Variants in C8orf34 observed in about 807,000 individuals in gnomAD.
C8orf34 encodes chromosome 8 open reading frame 34.
Under a neutral mutation model 68.3 loss-of-function variants are expected in C8orf34, and 65 were observed. The observed-to-expected ratio is 0.95, with a 90% confidence interval of 0.78 to 1.17. C8orf34 has a LOEUF of 1.17. Among genes scored for constraint, C8orf34 ranks in the 50% most tolerant of loss-of-function variants. C8orf34 has a pLI of 0.00. For missense variants in C8orf34, 664 were observed against 655.4 expected, an observed-to-expected ratio of 1.01 and a Z score of -0.14; for synonymous variants, 244 against 241.2, an observed-to-expected ratio of 1.01 and a Z score of -0.11.
intron 5 of C8orf34, among the ~76,000 whole-genome samples, chr8:68,506,139 C>A (rs1814012628): frequency 6.6e-6 from 1 of 151,626 alleles, no homozygotes; most frequent in South Asian, 2.1e-4. Context: ...CATGCACATG[C>A]ACACACACAC....
intron 7 of C8orf34, among the ~76,000 whole-genome samples, chr8:68,610,001 A>C (rs1817969422): frequency 6.6e-6 from 1 of 152,194 alleles, no homozygotes; most frequent in Non-Finnish European, 1.5e-5. Context: ...GCTGAGGCTG[A>C]GCATGGATCA....
chr8:68,425,489 A>G (rs1810169647), intron 1 of C8orf34, among the ~76,000 whole-genome samples: 2 of 151,944 alleles, frequency 1.3e-5, no homozygotes, highest in Admixed American at 6.6e-5. Flanking sequence ...GACTAGAAAT[A>G]TAATATAACT....
At chr8:68,420,651 A>G (rs1373563044) in intron 1 of C8orf34, among the ~76,000 whole-genome samples, 1 of 152,198 alleles carries the variant, frequency 6.6e-6, no homozygotes, top group Non-Finnish European at 1.5e-5. Flanking sequence ...AGACACAGAC[A>G]TTAAAATAAG....
intron 7 of C8orf34, among the ~76,000 whole-genome samples, chr8:68,633,673 G>T (rs1372556246): frequency 2.0e-5 from 3 of 152,010 alleles, no homozygotes; most frequent in African/African-American, 7.2e-5. Context: ...ACCAAAGATG[G>T]TATATCTCCC....
chr8:68,799,591 C>T (rs1824271908), intron 12 of C8orf34, among the ~76,000 whole-genome samples: 1 of 152,080 alleles, frequency 6.6e-6, no homozygotes, highest in African/African-American at 2.4e-5. Context: ...TCCAATGAGT[C>T]TCATAAACCC....
At chr8:68,500,503 A>G (rs1041414695) in intron 5 of C8orf34, among the ~76,000 whole-genome samples, 6 of 152,212 alleles carry the variant, frequency 3.9e-5, no homozygotes, top group Non-Finnish European at 5.9e-5. Context: ...GTATTATTAT[A>G]CTTTGACCAT....
intron 1 of C8orf34, among the ~76,000 whole-genome samples, chr8:68,405,635 T>G (rs970546072): frequency 3.9e-5 from 6 of 152,178 alleles, no homozygotes; most frequent in Non-Finnish European, 5.9e-5. Flanking sequence ...GTGAATTATT[T>G]TCCTCTTCCT....
At chr8:68,591,947 A>G (rs747871488) in intron 7 of C8orf34, among the ~76,000 whole-genome samples, 1 of 152,200 alleles carries the variant, frequency 6.6e-6, no homozygotes, top group Non-Finnish European at 1.5e-5. Context: ...AATTGAAATT[A>G]TATATATGCA....
At chr8:68,446,498 G>A in intron 3 of C8orf34, 38 bp downstream of exon 3, 1 of 1,573,984 alleles carries the variant, frequency 6.4e-7, no homozygotes, top group African/African-American at 1.4e-5. Context: ...TTCAAAGCAT[G>A]TAAGTTTATG....
chr8:68,796,742 C>T (rs1824187364), intron 12 of C8orf34, among the ~76,000 whole-genome samples: 2 of 151,876 alleles, frequency 1.3e-5, no homozygotes, highest in Non-Finnish European at 2.9e-5. Context: ...TTACATAATC[C>T]AATCACTGGG....
At chr8:68,665,480 C>T (rs1368175749) in intron 8 of C8orf34, among the ~76,000 whole-genome samples, 6 of 152,140 alleles carry the variant, frequency 3.9e-5, no homozygotes. Context: ...AGCCAAGATC[C>T]CATCCCACAT....
chr8:68,776,245 A>G (rs1366702217), intron 10 of C8orf34, among the ~76,000 whole-genome samples, 154 bp from the exon 11 acceptor site: 1 of 152,192 alleles, frequency 6.6e-6, no homozygotes, highest in Non-Finnish European at 1.5e-5. Flanking sequence ...AAGAGTAAGA[A>G]GTTGGCAAAC....
rs116217181 is a variant in C8orf34, at chr8:68,568,892, G to A, written c.1105+35743G>A. ...TGGGCCATACCGTCTCTCTTGCGCT[G>A]CACAACTCTGCCATCGTAAACTTGA... On this transcript the variant is annotated intron_variant, in intron 7 of 13. Transcript: ENST00000518698. Among the ~76,000 whole-genome samples, 1,253 of 145,324 alleles carry A rather than the reference G, an allele frequency of 8.6e-3. 21 individuals are homozygous for A. Among genetic ancestry groups the A allele is most frequent in the African/African-American group, 0.033 (1,170 of 35,766 alleles).
At chr8:68,727,326 C>T (rs958479536) in intron 10 of C8orf34, among the ~76,000 whole-genome samples, 4 of 152,338 alleles carry the variant, frequency 2.6e-5, no homozygotes, top group South Asian at 2.1e-4. Context: ...TGGGTTCCCA[C>T]GGTCTTGGGC....
intron 3 of C8orf34, among the ~76,000 whole-genome samples, chr8:68,452,485 T>C (rs1323132006): frequency 6.6e-6 from 1 of 151,618 alleles, no homozygotes; most frequent in Non-Finnish European, 1.5e-5. Context: ...TGGTATCTCA[T>C]TGTTGTCTTG....
chr8:68,539,134 C>T (rs1430956465), intron 7 of C8orf34, among the ~76,000 whole-genome samples: 1 of 152,116 alleles, frequency 6.6e-6, no homozygotes, highest in African/African-American at 2.4e-5. Context: ...CAAACCTAAA[C>T]TAAATTGAAA....
intron 8 of C8orf34, among the ~76,000 whole-genome samples, chr8:68,707,649 C>T (rs1016731800): frequency 6.6e-6 from 1 of 152,042 alleles, no homozygotes; most frequent in Admixed American, 6.6e-5. Context: ...GATCATGGCT[C>T]ACTGCAGACT....
At chr8:68,438,750 G>A (rs896782756) in intron 1 of C8orf34, 1 of 151,994 alleles carries the variant, frequency 6.6e-6, no homozygotes, top group Non-Finnish European at 1.5e-5. Flanking sequence ...ACTACATATT[G>A]GAGATTGCTC....
At chr8:68,587,103 A>T (rs1391576909) in intron 7 of C8orf34, among the ~76,000 whole-genome samples, 1 of 152,120 alleles carries the variant, frequency 6.6e-6, no homozygotes, top group Non-Finnish European at 1.5e-5. Context: ...TTAAAGGCAC[A>T]GACTTTGGTT....
Sources: allele counts gnomAD v4.1 joint callset (sites outside exome capture counted in the v4.1 genomes callset), GRCh38; gene constraint gnomAD v4.1.1; transcripts MANE v1.5; gene names NCBI Gene and HGNC (gene_info 2026-07-23, HGNC 2026-07-21).